Variants in SLIT3 observed in about 807,000 individuals in gnomAD.
The protein encoded by SLIT3 is slit guidance ligand 3.
A neutral mutation model predicts 184.0 loss-of-function variants in SLIT3; 68 were observed. The ratio of observed to expected loss-of-function variants is 0.37; its 90% CI spans 0.30 to 0.45. The LOEUF (loss-of-function observed/expected upper bound fraction) is 0.45, where lower values mean the gene tolerates loss of function less well. Among genes scored for constraint, SLIT3 ranks in the 20% least tolerant of loss-of-function variants. SLIT3 has a pLI of 1.00. For synonymous variants in SLIT3, 831 were observed against 828.6 expected (o/e 1.00, Z -0.05); for missense variants, 1,707 against 2,026.0 (o/e 0.84, Z 3.02).
At chr5:168,788,824 T>A (rs1163736088) in intron 11 of SLIT3, among the ~76,000 whole-genome samples, 1 of 152,100 alleles carries the variant, frequency 6.6e-6, no homozygotes, top group Non-Finnish European at 1.5e-5. Flanking sequence ...CAGTAAACAC[T>A]ACTAATTACT....
intron 4 of SLIT3, among the ~76,000 whole-genome samples, chr5:169,078,229 C>A (rs562935878): frequency 6.3e-4 from 96 of 152,282 alleles, no homozygotes; most frequent in African/African-American, 2.2e-3. Context: ...AATGTCTCCC[C>A]AGGCCCAAGT....
intron 3 of SLIT3, among the ~76,000 whole-genome samples, chr5:169,227,378 T>G (rs984502708): frequency 2.6e-5 from 4 of 152,232 alleles, no homozygotes; most frequent in African/African-American, 9.7e-5. Context: ...TAATTAGTCC[T>G]CTCAACAACT....
At chr5:169,133,439 A>C (rs1374616148) in intron 4 of SLIT3, among the ~76,000 whole-genome samples, 1 of 152,198 alleles carries the variant, frequency 6.6e-6, no homozygotes, top group Non-Finnish European at 1.5e-5. Context: ...CTATGCATAG[A>C]GCCATGGGAA....
intron 3 of SLIT3, among the ~76,000 whole-genome samples, chr5:169,204,542 G>A (rs1450289936): frequency 2.0e-5 from 3 of 152,188 alleles, no homozygotes; most frequent in Admixed American, 6.5e-5. Context: ...TGATTCAGGG[G>A]AGAGAGGAGA....
chr5:168,827,312 G>A (rs1757738787), intron 6 of SLIT3, among the ~76,000 whole-genome samples: 5 of 152,224 alleles, frequency 3.3e-5, no homozygotes, highest in Non-Finnish European at 7.3e-5. Context: ...TTTCTGGGGT[G>A]CGTTTCTTTC....
At chr5:168,736,814 T>A (rs569464903) in intron 20 of SLIT3, among the ~76,000 whole-genome samples, 1 of 152,236 alleles carries the variant, frequency 6.6e-6, no homozygotes, top group Non-Finnish European at 1.5e-5. Flanking sequence ...GGACCTGGGT[T>A]TCTGCCACAG....
intron 3 of SLIT3, among the ~76,000 whole-genome samples, chr5:169,196,876 C>A (rs1397868155): frequency 2.0e-5 from 3 of 152,184 alleles, no homozygotes; most frequent in Non-Finnish European, 4.4e-5. Context: ...TCTTGGAGGT[C>A]CCTAAGGCAA....
rs112218481 is a variant in SLIT3, at chr5:169,264,534, G to A, written c.198-13075C>T. ...ACCTCTGAAACTGCTCACATCAGGCGGTCCTAATGGGTGTCTTCCTCTGTC... is the reference window on the plus strand; with the variant it reads ...ACCTCTGAAACTGCTCACATCAGGCAGTCCTAATGGGTGTCTTCCTCTGTC... On this transcript the variant is annotated intron_variant, in intron 1 of 35. Transcript: ENST00000519560. Among the ~76,000 whole-genome samples the A allele has an allele frequency of 4.7e-3, 718 of 152,212 alleles. 14 individuals are homozygous for A. Among genetic ancestry groups the A allele is most frequent in the Middle Eastern group, 0.027 (8 of 294 alleles).
chr5:169,174,342 C>A (rs996695381), intron 4 of SLIT3, among the ~76,000 whole-genome samples: 1 of 152,202 alleles, frequency 6.6e-6, no homozygotes, highest in Non-Finnish European at 1.5e-5. Context: ...CCACACACAG[C>A]CCCTGCGATA....
At position 169,104,077 on chromosome 5, in the gene SLIT3, GC is replaced by G. The variant is rs369033623; in HGVS notation, c.413+89401del. On this transcript the variant is annotated intron_variant, in intron 4 of 35. Coordinates refer to ENST00000519560, the MANE Select transcript of SLIT3 (RefSeq NM_003062.4). Reference sequence around the variant, plus strand: ...CTGATGCATTAGCCCTGATTAATTGGCCCACAACATGCTTCTCACTTAATTC... The same window carrying G: ...CTGATGCATTAGCCCTGATTAATTGGCCACAACATGCTTCTCACTTAATTC... Among the ~76,000 whole-genome samples, 519 of 152,260 alleles carry G rather than the reference GC, an allele frequency of 3.4e-3. 4 individuals are homozygous for G. The highest frequency in any genetic ancestry group is 0.012 in the African/African-American group (499 of 41,560).
chr5:169,295,815 A>G (rs1006218911), intron 1 of SLIT3, among the ~76,000 whole-genome samples: 1 of 152,270 alleles, frequency 6.6e-6, no homozygotes, highest in Admixed American at 6.5e-5. Flanking sequence ...TAGAAAATCC[A>G]GATGATCAAC....
chr5:168,907,845 A>C (rs12655037), intron 4 of SLIT3, among the ~76,000 whole-genome samples: 9,884 of 148,800 alleles, frequency 0.066, 672 homozygotes, highest in East Asian at 0.33. Flanking sequence ...TACACATATA[A>C]GTATACATAT....
chr5:169,105,990 G>T (rs567321296), intron 4 of SLIT3, among the ~76,000 whole-genome samples: 42 of 149,550 alleles, frequency 2.8e-4, no homozygotes, highest in African/African-American at 5.9e-4. Flanking sequence ...GGATGGCTGG[G>T]TCAAATGGTA....
At chr5:168,902,455 C>A (rs527810988) in intron 4 of SLIT3, among the ~76,000 whole-genome samples, 1 of 152,074 alleles carries the variant, frequency 6.6e-6, no homozygotes, top group Non-Finnish European at 1.5e-5. Context: ...CAGGAGAGCT[C>A]AATGCGTGAT....
chr5:168,745,415 AT>A (rs766320198), intron 20 of SLIT3, among the ~76,000 whole-genome samples: 251 of 145,934 alleles, frequency 1.7e-3, no homozygotes, highest in African/African-American at 2.6e-3. Context: ...ACTGACTCCA[AT>A]TTTTTTTTTT....
At chr5:168,745,359 A>G (rs1763767306) in intron 20 of SLIT3, among the ~76,000 whole-genome samples, 1 of 152,178 alleles carries the variant, frequency 6.6e-6, no homozygotes, top group Admixed American at 6.5e-5. Flanking sequence ...AGGATTTAGA[A>G]TATTATATAA....
chr5:169,148,213 A>T (rs1761994606), intron 4 of SLIT3, among the ~76,000 whole-genome samples: 1 of 152,182 alleles, frequency 6.6e-6, no homozygotes, highest in Non-Finnish European at 1.5e-5. Context: ...GATGCCACTG[A>T]AAAACCTCAG....
intron 1 of SLIT3, among the ~76,000 whole-genome samples, chr5:169,273,086 A>T (rs1447021713): frequency 2.0e-5 from 3 of 152,068 alleles, no homozygotes; most frequent in African/African-American, 7.2e-5. Flanking sequence ...AGCCCTTGGG[A>T]AGGCGGCCCC....
At chr5:168,812,040 T>C (rs970125592) in intron 8 of SLIT3, among the ~76,000 whole-genome samples, 5 of 152,198 alleles carry the variant, frequency 3.3e-5, no homozygotes, top group Non-Finnish European at 5.9e-5. Context: ...TAAAATATCC[T>C]GTCATTTGTA....
Sources: gnomAD v4.1 joint callset for allele counts (sites outside exome capture counted in the v4.1 genomes callset) on GRCh38, gnomAD v4.1.1 for gene constraint, MANE v1.5 for transcripts, NCBI Gene and HGNC (gene_info 2026-07-23, HGNC 2026-07-21) for gene names.